HMGCLL1: variants seen among roughly 807,000 people sequenced by gnomAD.
The protein encoded by HMGCLL1 is 3-hydroxymethyl-3-methylglutaryl-CoA lyase, cytoplasmic.
A neutral mutation model predicts 39.1 loss-of-function variants in HMGCLL1; 36 were observed. That is an observed-to-expected ratio of 0.92 (90% CI 0.71 to 1.22). HMGCLL1 has a LOEUF of 1.22. HMGCLL1 is among the 50% of genes most tolerant of loss of function. HMGCLL1 has a pLI of 0.00. For missense variants in HMGCLL1, 451 were observed against 416.5 expected, an observed-to-expected ratio of 1.08 and a Z score of -0.72; for synonymous variants, 149 against 144.0, an observed-to-expected ratio of 1.03 and a Z score of -0.25.
chr6:55,533,996 T>C (rs535217132), intron 3 of HMGCLL1, among the ~76,000 whole-genome samples: 5 of 151,522 alleles, frequency 3.3e-5, no homozygotes, highest in South Asian at 2.1e-4. Flanking sequence ...TACAGGGACA[T>C]AATTTCATTC....
At chr6:55,654,493 C>T in the HMGCLL1 span, among the ~76,000 whole-genome samples, 2 of 151,866 alleles carry the variant, frequency 1.3e-5, no homozygotes, top group Admixed American at 6.6e-5. Context: ...TGTCATCTAT[C>T]GACTAACTCT....
At chr6:55,520,596 A>AT (rs201002656) in intron 3 of HMGCLL1, among the ~76,000 whole-genome samples, 28 of 151,440 alleles carry the variant, frequency 1.8e-4, no homozygotes, top group Non-Finnish European at 3.5e-4. Context: ...CCTTGCTTTA[A>AT]TTTTTTTTTC....
chr6:55,570,709 A>T (rs1007245432), intron 1 of HMGCLL1, among the ~76,000 whole-genome samples: 4 of 152,104 alleles, frequency 2.6e-5, no homozygotes, highest in African/African-American at 9.7e-5. Flanking sequence ...TCTGACCATA[A>T]TCTATAGGGT....
chr6:55,628,154 AAT>A, the HMGCLL1 span, among the ~76,000 whole-genome samples: 5 of 6,610 alleles, frequency 7.6e-4, 1 homozygote, highest in Admixed American at 7.0e-3. Context: ...CTATATATAT[AAT>A]ATATATATAG....
chr6:55,443,069 C>G (rs1763673813), intron 7 of HMGCLL1, among the ~76,000 whole-genome samples: 1 of 77,236 alleles, frequency 1.3e-5, no homozygotes, highest in South Asian at 4.1e-4. Context: ...GTCTAAGCTT[C>G]TCCCTAAATT....
chr6:55,540,403 T>A (rs1769356253), intron 3 of HMGCLL1, among the ~76,000 whole-genome samples: 1 of 151,798 alleles, frequency 6.6e-6, no homozygotes, highest in Admixed American at 6.6e-5. Context: ...GTGATGGGGG[T>A]GGAGCTCTCA....
At chr6:55,485,945 AAAT>A (rs1191269854) in intron 7 of HMGCLL1, among the ~76,000 whole-genome samples, 2 of 151,644 alleles carry the variant, frequency 1.3e-5, no homozygotes, top group African/African-American at 4.8e-5. Flanking sequence ...AAGATGAATA[AAAT>A]ATTAGAAATA....
chr6:55,644,729 G>T, the HMGCLL1 span, among the ~76,000 whole-genome samples: 1 of 151,806 alleles, frequency 6.6e-6, no homozygotes, highest in Non-Finnish European at 1.5e-5. Flanking sequence ...TTGGTTTCTG[G>T]GTTTTCTATT....
chr6:55,669,998 T>G, the HMGCLL1 span, among the ~76,000 whole-genome samples: 1 of 151,828 alleles, frequency 6.6e-6, no homozygotes, highest in South Asian at 2.1e-4. Flanking sequence ...ATTTAGGAAG[T>G]TAAATTACAA....
At chr6:55,455,482 A>G (rs1409537848) in intron 7 of HMGCLL1, among the ~76,000 whole-genome samples, 4 of 152,232 alleles carry the variant, frequency 2.6e-5, no homozygotes, top group Non-Finnish European at 5.9e-5. Context: ...AGTTAAATAT[A>G]TAGAAGAAAA....
At chr6:55,645,592 G>A in the HMGCLL1 span, among the ~76,000 whole-genome samples, 1 of 151,814 alleles carries the variant, frequency 6.6e-6, no homozygotes, top group Admixed American at 6.6e-5. Flanking sequence ...CATTTTCTGA[G>A]AAGTTTTAAC....
intron 7 of HMGCLL1, among the ~76,000 whole-genome samples, chr6:55,458,141 T>C (rs1256200984): frequency 6.6e-6 from 1 of 152,216 alleles, no homozygotes; most frequent in Admixed American, 6.5e-5. Context: ...TAAACTCTCA[T>C]GTTTTTCCTT....
chr6:55,630,806 T>C, the HMGCLL1 span, among the ~76,000 whole-genome samples: 1 of 152,114 alleles, frequency 6.6e-6, no homozygotes, highest in Non-Finnish European at 1.5e-5. Flanking sequence ...TTGCTCCTCC[T>C]TGCCTTCTGC....
chr6:55,491,556 A>G (rs1302838292), intron 7 of HMGCLL1, among the ~76,000 whole-genome samples: 5 of 152,170 alleles, frequency 3.3e-5, no homozygotes, highest in Non-Finnish European at 5.9e-5. Context: ...TGTGCTACCA[A>G]TCAATGTGTA....
chr6:55,447,351 A>T (rs1763899066), intron 7 of HMGCLL1, among the ~76,000 whole-genome samples: 1 of 152,086 alleles, frequency 6.6e-6, no homozygotes, highest in Admixed American at 6.6e-5. Context: ...AGTATATATA[A>T]AAATTGGTAA....
intron 7 of HMGCLL1, among the ~76,000 whole-genome samples, chr6:55,481,029 T>C (rs1049181850): frequency 5.3e-5 from 8 of 151,932 alleles, no homozygotes; most frequent in African/African-American, 1.5e-4. Flanking sequence ...TATAAAAATA[T>C]AGAAAGAATG....
the HMGCLL1 span, among the ~76,000 whole-genome samples, chr6:55,648,368 A>G: frequency 6.9e-6 from 1 of 144,012 alleles, no homozygotes; most frequent in African/African-American, 2.6e-5. Flanking sequence ...CTAAAATCAG[A>G]GCAGAACTTA....
chr6:55,591,150 T>C, the HMGCLL1 span, among the ~76,000 whole-genome samples: 7 of 152,148 alleles, frequency 4.6e-5, no homozygotes, highest in East Asian at 1.3e-3. Context: ...GTTAAATTTT[T>C]TCCAAGAGAG....
At chr6:55,610,186 G>C in the HMGCLL1 span, among the ~76,000 whole-genome samples, 1 of 152,116 alleles carries the variant, frequency 6.6e-6, no homozygotes, top group African/African-American at 2.4e-5. Context: ...GGATAAGCTA[G>C]ATGAATTGAC....
Sources: gnomAD v4.1 joint callset for allele counts (sites outside exome capture counted in the v4.1 genomes callset) on GRCh38, gnomAD v4.1.1 for gene constraint, MANE v1.5 for transcripts, NCBI Gene and HGNC (gene_info 2026-07-23, HGNC 2026-07-21) for gene names.